Variants in NBEAL1 observed in about 807,000 individuals in gnomAD.
The protein encoded by NBEAL1 is neurobeachin like 1.
Under a neutral mutation model 351.3 loss-of-function variants are expected in NBEAL1, and 273 were observed. The observed-to-expected ratio is 0.78, with a 90% CI of 0.70 to 0.86. The LOEUF is 0.86. Ranked by LOEUF, NBEAL1 falls within the 40% of genes least tolerant of loss-of-function variation. The pLI is 0.00. For missense variants in NBEAL1, 2,961 were observed against 3,201.3 expected, an observed-to-expected ratio of 0.92 and a Z score of 1.81; for synonymous variants, 1,050 against 1,086.4, an observed-to-expected ratio of 0.97 and a Z score of 0.66.
chr2:203,167,903 C>G (rs558885784), intron 38 of NBEAL1, among the ~76,000 whole-genome samples: 1 of 152,168 alleles, frequency 6.6e-6, no homozygotes, highest in African/African-American at 2.4e-5. Flanking sequence ...GCTCTCCCCA[C>G]CTTGCATAGC....
rs1417186460 is a variant in NBEAL1, at chr2:203,221,985, T to C, written c.*4631T>C. 6.6e-6 allele frequency among the ~76,000 whole-genome samples: 1 copy of C among 152,058 alleles called. No individual in the cohort carries two copies. Among genetic ancestry groups the C allele is most frequent in the Non-Finnish European group, 1.5e-5 (1 of 68,010 alleles). On this transcript the variant is annotated 3_prime_UTR_variant, in exon 56 of 56. Coordinates refer to ENST00000683969, the MANE Select transcript of NBEAL1 (RefSeq NM_001378026.1). ...AGGAGGATCACTGGAGCCTAGGAGC[T>C]CAAGACCAGCCTGGGCAGCATAGTG...
At chr2:203,107,586 T>C (rs1559369996) in intron 13 of NBEAL1, 22 bp from the exon 14 acceptor site, 4 of 1,548,006 alleles carry the variant, frequency 2.6e-6, no homozygotes, top group Non-Finnish European at 3.5e-6. Flanking sequence ...ACTAACCTTT[T>C]ATCTTTTATG....
rs1032436466 is a variant in NBEAL1, at chr2:203,077,789, T to G, written c.636T>G (p.Leu212=). The G allele has an allele frequency of 5.4e-6, 8 of 1,472,152 alleles. No homozygotes were observed. The highest frequency in any genetic ancestry group is 1.4e-5 in the African/African-American group (1 of 70,768). The allele number at this position is 1,472,152 out of a possible 1,614,324, so 91.2% of individuals were successfully genotyped here. The change falls in exon 8 of 56, where the codon CTT becomes CTG. Residue 212 remains leucine (L), a synonymous_variant. Transcript: ENST00000683969. The part of the protein sequence containing the change: ...FQESEHLKES[L]KCCLLHLFGA... The stretch of plus-strand genomic sequence containing the variant: ...AAAGTGAACATCTCAAGGAAAGTCT[T>G]AAATGTTGCTTATTGCATCTCTTTG...
Position 203,166,378 on chromosome 2 carries a change from G to A in NBEAL1, c.5863+81G>A, listed in dbSNP as rs896324574. ...ATCAATCATGAATGAGAAGAAGAAA[G>A]CAGTAAGATATAACTATCATGTGAA... On this transcript the variant is annotated intron_variant, in intron 37 of 55. Transcript: ENST00000683969. 4 of 1,311,178 alleles carry A rather than the reference G, an allele frequency of 3.1e-6. No individual in the cohort carries two copies. The African/African-American group carries it at 6.1e-5, about 20-fold the overall frequency. The allele number at this position is 1,311,178 out of a possible 1,614,324, so 81.2% of individuals were successfully genotyped here.
intron 10 of NBEAL1, among the ~76,000 whole-genome samples, chr2:203,091,478 T>C (rs2062063406): frequency 6.6e-6 from 1 of 152,222 alleles, no homozygotes; most frequent in Non-Finnish European, 1.5e-5. Context: ...CTTTTGTGTA[T>C]ATACCCAGAA....
intron 8 of NBEAL1, among the ~76,000 whole-genome samples, chr2:203,082,752 C>T (rs913163625): frequency 6.6e-6 from 1 of 152,144 alleles, no homozygotes; most frequent in African/African-American, 2.4e-5. Context: ...TGAGCTGGTA[C>T]AGCAACTCAA....
intron 44 of NBEAL1, among the ~76,000 whole-genome samples, chr2:203,187,008 A>G (rs1003077196): frequency 1.3e-5 from 2 of 152,202 alleles, no homozygotes; most frequent in African/African-American, 4.8e-5. Flanking sequence ...ATCCAAGACC[A>G]TATTTTATTG....
At chr2:203,103,739 G>A (rs544285220) in intron 12 of NBEAL1, among the ~76,000 whole-genome samples, 2 of 152,220 alleles carry the variant, frequency 1.3e-5, no homozygotes, top group East Asian at 1.9e-4. Flanking sequence ...TGATGTGGGC[G>A]TTTAGTGCTA....
At chr2:203,038,240 C>G (rs1347002274) in intron 2 of NBEAL1, among the ~76,000 whole-genome samples, 2 of 148,944 alleles carry the variant, frequency 1.3e-5, no homozygotes, top group East Asian at 3.9e-4. Context: ...ATTCATTTAT[C>G]TGGGAGAGGA....
chr2:203,179,747 C>G (rs1296175674), intron 42 of NBEAL1, among the ~76,000 whole-genome samples: 1 of 151,920 alleles, frequency 6.6e-6, no homozygotes, highest in Admixed American at 6.6e-5. Context: ...ATTGAAATAA[C>G]ATTCACTTTC....
At chr2:203,152,248 G>A (rs1410749878) in intron 35 of NBEAL1, among the ~76,000 whole-genome samples, 6 of 150,232 alleles carry the variant, frequency 4.0e-5, no homozygotes, top group Admixed American at 6.6e-5. Flanking sequence ...GTGAGCCACC[G>A]CACCCAGCCA....
intron 27 of NBEAL1, 88 bp from the exon 28 acceptor site, chr2:203,135,589 C>T: frequency 2.6e-6 from 2 of 776,314 alleles, no homozygotes; most frequent in Non-Finnish European, 2.0e-6. Context: ...ATTAAATTAC[C>T]TTATCATTAA....
rs558545477 is a variant in NBEAL1, at chr2:203,066,911, C to T, written c.516-1482C>T. On this transcript the variant is annotated intron_variant, in intron 6 of 55. Transcript: ENST00000683969. The stretch of plus-strand genomic sequence containing the variant: ...CCCAGATGGGACGGCTGGGCAGAGG[C>T]GCTCCCCACCTCCCAGACAAAGGGC... 1.0e-4 allele frequency among the ~76,000 whole-genome samples: 14 copies of T among 140,172 alleles called. No homozygotes were observed. The South Asian group carries it at 1.9e-3, about 19-fold the overall frequency. 92.0% of individuals were successfully genotyped at this position (140,172 alleles called of 152,430 possible).
intron 44 of NBEAL1, among the ~76,000 whole-genome samples, chr2:203,186,840 T>C (rs1044276684): frequency 1.2e-4 from 19 of 152,162 alleles, no homozygotes; most frequent in African/African-American, 4.6e-4. Context: ...AACAGTCCCT[T>C]CTCTACTTTG....
intron 12 of NBEAL1, among the ~76,000 whole-genome samples, chr2:203,106,398 C>T (rs2062438998): frequency 6.6e-6 from 1 of 152,138 alleles, no homozygotes; most frequent in Admixed American, 6.6e-5. Context: ...GTTGACATAA[C>T]TCATGGTTAG....
chr2:203,037,438 GT>G (rs542029901), intron 2 of NBEAL1, among the ~76,000 whole-genome samples: 2 of 148,688 alleles, frequency 1.3e-5, no homozygotes, highest in Non-Finnish European at 3.0e-5. Context: ...AGGGATCATA[GT>G]TTTTTTTCAA....
At chr2:203,138,043 A>C in intron 29 of NBEAL1, 119 bp from the exon 30 acceptor site, 65 of 884,732 alleles carry the variant, frequency 7.3e-5, no homozygotes, top group Non-Finnish European at 8.4e-5. Flanking sequence ...GATACCTGCT[A>C]GAGATAGTAT....
intron 55 of NBEAL1, among the ~76,000 whole-genome samples, chr2:203,216,273 A>G (rs1280947617): frequency 1.3e-5 from 2 of 152,160 alleles, no homozygotes; most frequent in Non-Finnish European, 2.9e-5. Flanking sequence ...TTTCTACATT[A>G]CTTTTTATCA....
intron 2 of NBEAL1, among the ~76,000 whole-genome samples, chr2:203,025,240 A>G (rs1406501775): frequency 6.6e-6 from 1 of 152,152 alleles, no homozygotes; most frequent in Admixed American, 6.5e-5. Flanking sequence ...TCCAAATGTG[A>G]CCTTTGAAAT....
Sources: allele counts gnomAD v4.1 joint callset (sites outside exome capture counted in the v4.1 genomes callset), GRCh38; gene constraint gnomAD v4.1.1; transcripts MANE v1.5; gene names NCBI Gene and HGNC (gene_info 2026-07-23, HGNC 2026-07-21).